Variants in PADI4 observed in about 807,000 individuals in gnomAD.
PADI4 encodes the protein peptidyl arginine deiminase 4.
In PADI4, 62 loss-of-function variants were observed where a neutral mutation model predicts 75.0. The ratio of observed to expected loss-of-function variants is 0.83; its 90% CI spans 0.67 to 1.02. The LOEUF (loss-of-function observed/expected upper bound fraction) is 1.02. Ranked by LOEUF, PADI4 falls within the 50% of genes least tolerant of loss-of-function variation. PADI4 has a pLI of 0.00. For synonymous variants in PADI4, 361 were observed against 348.1 expected (o/e 1.04, Z -0.41); for missense variants, 845 against 850.5 (o/e 0.99, Z 0.08).
intron 1 of PADI4, among the ~76,000 whole-genome samples, chr1:17,310,369 A>T (rs1199890923): frequency 6.6e-6 from 1 of 152,050 alleles, no homozygotes; most frequent in South Asian, 2.1e-4. Context: ...CCTTCCTGTC[A>T]CTTCTTATCT....
chr1:17,349,718 G>GAAAA (rs1557573594), intron 10 of PADI4, among the ~76,000 whole-genome samples: 2 of 68,112 alleles, frequency 2.9e-5, no homozygotes, highest in Non-Finnish European at 3.7e-5. Flanking sequence ...AAAAAAAAAA[G>GAAAA]AAAGAAAAAG....
In PADI4 at chr1:17,357,989, T is replaced by C. The variant is rs539894138; in HGVS notation, c.1559-849T>C. ...TAGGCCAAGTGTGGTGGCTCACACC[T>C]GTAATCCTAGCACTTTGGGAGGCTG... On this transcript the variant is annotated intron_variant, in intron 13 of 15. Transcript: ENST00000375448. 5.3e-5 allele frequency among the ~76,000 whole-genome samples: 8 copies of C among 150,092 alleles called. No homozygotes were observed. In the South Asian group the frequency reaches 1.7e-3, roughly 32 times the overall value.
chr1:17,352,021 C>T (rs77951666), intron 10 of PADI4, among the ~76,000 whole-genome samples: 2,111 of 12,662 alleles, frequency 0.17, 218 homozygotes, highest in African/African-American at 0.22. Flanking sequence ...GGAGAGGCGG[C>T]CAGGGAGGTG....
At chr1:17,359,241 C>CCA in intron 14 of PADI4, 39 bp from the exon 15 acceptor site, 11 of 1,108,116 alleles carry the variant, frequency 9.9e-6, no homozygotes, top group Admixed American at 2.3e-5. Flanking sequence ...CCCCGACTGC[C>CCA]ATCAGTCCCC....
At chr1:17,323,298 C>A (rs952872761) in intron 1 of PADI4, among the ~76,000 whole-genome samples, 11 of 149,982 alleles carry the variant, frequency 7.3e-5, no homozygotes, top group African/African-American at 2.7e-4. Context: ...CTATTGTAAC[C>A]TTATGACAGA....
Position 17,346,228 on chromosome 1 carries a change from C to G in PADI4, c.1047+89C>G. 1.3e-6 allele frequency: 1 copy of G among 748,072 alleles called. No individual in the cohort carries two copies. The highest frequency in any genetic ancestry group is 2.3e-6 in the Non-Finnish European group (1 of 432,626). The allele number at this position is 748,072 out of a possible 1,614,324, so 46.3% of individuals were successfully genotyped here. On this transcript the variant is annotated intron_variant, in intron 9 of 15. Coordinates refer to ENST00000375448, the MANE Select transcript of PADI4 (RefSeq NM_012387.3). This position sits in a 1 kb window ranked among gnomAD's most constrained non-coding sequence, Gnocchi z 4.3. The stretch of plus-strand genomic sequence containing the variant: ...CGGGCTCCTGGGGTTCAGCCTGGTG[C>G]CTCACCGGCCACTCTTCCTTAGATG...
intron 8 of PADI4, among the ~76,000 whole-genome samples, chr1:17,342,902 G>A (rs893015672): frequency 6.6e-6 from 1 of 152,232 alleles, no homozygotes; most frequent in Non-Finnish European, 1.5e-5. Context: ...TTGAACCCTG[G>A]AGGCGGAGGT....
intron 1 of PADI4, among the ~76,000 whole-genome samples, chr1:17,308,782 C>CAT (rs1553140798): frequency 2.6e-5 from 4 of 151,870 alleles, no homozygotes; most frequent in Admixed American, 1.3e-4. Flanking sequence ...GGCTCTGTGG[C>CAT]GGCAGAGACT....
chr1:17,353,866 T>G (rs2074712563), intron 10 of PADI4, among the ~76,000 whole-genome samples: 2 of 152,252 alleles, frequency 1.3e-5, no homozygotes, highest in Admixed American at 6.5e-5. Context: ...CCTCAGGGCC[T>G]CCAGGAGGAA....
intron 2 of PADI4, among the ~76,000 whole-genome samples, chr1:17,333,073 G>A (rs1345370028): frequency 6.6e-6 from 1 of 152,160 alleles, no homozygotes; most frequent in Non-Finnish European, 1.5e-5. Context: ...ACAACAGGAA[G>A]CCAACAAAAA....
chr1:17,357,714 C>T (rs1003840016), intron 13 of PADI4, among the ~76,000 whole-genome samples: 28 of 149,390 alleles, frequency 1.9e-4, no homozygotes, highest in Admixed American at 1.5e-3. Flanking sequence ...GGGTGGATCA[C>T]GAGTTCAGGA....
At chr1:17,321,808 C>T (rs944724281) in intron 1 of PADI4, among the ~76,000 whole-genome samples, 2 of 152,146 alleles carry the variant, frequency 1.3e-5, no homozygotes, top group African/African-American at 4.8e-5. Flanking sequence ...GTTAAGGACC[C>T]GTGTCTGGGA....
chr1:17,351,982 G>C (rs879382324), intron 10 of PADI4, among the ~76,000 whole-genome samples: 13,910 of 69,892 alleles, frequency 0.2, 2,214 homozygotes, highest in Admixed American at 0.32. Flanking sequence ...GAGGTGATGG[G>C]AGGAGAGGCA....
chr1:17,347,514 C>G (rs1031273543), intron 9 of PADI4, among the ~76,000 whole-genome samples: 1 of 152,114 alleles, frequency 6.6e-6, no homozygotes, highest in Non-Finnish European at 1.5e-5. Context: ...CGAGCTCTGG[C>G]GCCAACAGGT....
intron 10 of PADI4, 68 bp from the exon 11 acceptor site, chr1:17,354,465 T>G: frequency 7.0e-7 from 1 of 1,435,962 alleles, no homozygotes; most frequent in Non-Finnish European, 9.8e-7. Context: ...TCTCTAAACT[T>G]GGACCCCCCG....
intron 8 of PADI4, 116 bp from the exon 9 acceptor site, chr1:17,345,912 G>A: frequency 3.1e-6 from 2 of 645,764 alleles, no homozygotes; most frequent in Non-Finnish European, 5.6e-6. Context: ...GGACGTGCCA[G>A]GAGCCTCTGT....
At chr1:17,348,940 T>G (rs1209499370) in intron 10 of PADI4, among the ~76,000 whole-genome samples, 2 of 152,162 alleles carry the variant, frequency 1.3e-5, no homozygotes, top group Non-Finnish European at 2.9e-5. Context: ...ACAAATGGCT[T>G]TCCGACAAGC....
At position 17,363,841 on chromosome 1, in the gene PADI4, T is replaced by C; in HGVS notation, c.*86T>C. ...GGCAAGCAAGAGCTCTTGTGAATAT[T>C]GTGGCTCCCTGGGGGCGGCCAGCCC... On this transcript the variant is annotated 3_prime_UTR_variant, in exon 16 of 16. Transcript: ENST00000375448. The C allele has an allele frequency of 1.1e-6, 1 of 928,676 alleles. No homozygotes were observed. The highest frequency in any genetic ancestry group is 1.5e-5 in the South Asian group (1 of 64,704). 57.5% of individuals were successfully genotyped at this position (928,676 alleles called of 1,614,324 possible). A position where few individuals can be genotyped will look rare whatever the true frequency, so the allele number is the denominator to read the frequency against.
At chr1:17,315,880 C>T (rs1016545474) in intron 1 of PADI4, among the ~76,000 whole-genome samples, 2 of 151,956 alleles carry the variant, frequency 1.3e-5, no homozygotes, top group South Asian at 2.1e-4. Flanking sequence ...AACCCCCAGT[C>T]CCCACCCACG....
Sources: allele counts gnomAD v4.1 joint callset (sites outside exome capture counted in the v4.1 genomes callset), GRCh38; gene constraint gnomAD v4.1.1; non-coding constraint Gnocchi (gnomAD v3.1); transcripts MANE v1.5; gene names NCBI Gene and HGNC (gene_info 2026-07-23, HGNC 2026-07-21).